EDNRB: variants seen among roughly 807,000 people sequenced by gnomAD.
The protein encoded by EDNRB is Hirschsprung disease 2.
Under a neutral mutation model 46.4 loss-of-function variants are expected in EDNRB, and 18 were observed. The observed-to-expected ratio is 0.39, with a 90% CI of 0.27 to 0.57. The LOEUF is 0.57. Ranked by LOEUF, EDNRB falls within the 20% of genes least tolerant of loss-of-function variation. The pLI is 0.61. For synonymous variants in EDNRB, 213 were observed against 204.9 expected (o/e 1.04, Z -0.34); for missense variants, 434 against 537.5 (o/e 0.81, Z 1.90).
intron 1 of EDNRB, among the ~76,000 whole-genome samples, chr13:77,958,600 T>G (rs1202726435): frequency 6.6e-6 from 1 of 152,118 alleles, no homozygotes; most frequent in Non-Finnish European, 1.5e-5. Context: ...GGTCTCGATC[T>G]CCTGACCTTG....
chr13:77,901,764 A>C (rs1878999817), intron 3 of EDNRB, among the ~76,000 whole-genome samples: 1 of 151,790 alleles, frequency 6.6e-6, no homozygotes, highest in African/African-American at 2.4e-5. Flanking sequence ...ATTGCTTTAG[A>C]TATATCTGTG....
At position 77,959,296 on chromosome 13, in the gene EDNRB, G is replaced by T. The variant is rs560919295; in HGVS notation, c.-52+16051C>A. On this transcript the variant is annotated intron_variant, in intron 1 of 7. Transcript: ENST00000646948. ...CCTAATGGGGAGGCACCCCTCAGTA[G>T]GGGCAGAATGACACCTCACATGGCC... Among the ~76,000 whole-genome samples, 33 of 152,284 alleles carry T rather than the reference G, an allele frequency of 2.2e-4. No individual in the cohort carries two copies. In the East Asian group the frequency reaches 6.4e-3, roughly 29 times the overall value.
upstream of EDNRB, among the ~76,000 whole-genome samples, chr13:77,924,436 G>C (rs1479408975): frequency 1.3e-5 from 2 of 152,154 alleles, no homozygotes; most frequent in Non-Finnish European, 2.9e-5. Context: ...AGGGGGACAT[G>C]GCCAAGGTAA....
chr13:77,952,372 G>C (rs943976583), intron 1 of EDNRB, among the ~76,000 whole-genome samples: 2 of 152,122 alleles, frequency 1.3e-5, no homozygotes, highest in Admixed American at 6.5e-5. Context: ...GAATGCTTCT[G>C]TTCTCCAGAT....
chr13:77,906,783 C>T (rs1397247185), intron 1 of EDNRB, among the ~76,000 whole-genome samples: 1 of 152,004 alleles, frequency 6.6e-6, no homozygotes, highest in Non-Finnish European at 1.5e-5. Context: ...AATTGCCAAA[C>T]CAAAGACACA....
chr13:77,944,848 A>G (rs1439558267), intron 1 of EDNRB: 1 of 152,190 alleles, frequency 6.6e-6, no homozygotes, highest in East Asian at 1.9e-4. Context: ...GTAGGAGCCA[A>G]TCCCAGAAGC....
chr13:77,903,440 A>G, intron 2 of EDNRB, 55 bp downstream of exon 2: 1 of 1,609,370 alleles, frequency 6.2e-7, no homozygotes, highest in Non-Finnish European at 8.5e-7. Flanking sequence ...TCTAAGTAAC[A>G]TGGAAAACAA....
chr13:77,940,532 A>T (rs1237259071), intron 1 of EDNRB, among the ~76,000 whole-genome samples: 1 of 152,210 alleles, frequency 6.6e-6, no homozygotes, highest in Non-Finnish European at 1.5e-5. Context: ...GTTTTAGTGC[A>T]ATAAGTCTGG....
intron 1 of EDNRB, among the ~76,000 whole-genome samples, chr13:77,935,621 T>G (rs77688724): frequency 0.021 from 3,192 of 152,242 alleles, 116 homozygotes; most frequent in African/African-American, 0.07. Context: ...TTTATGAGAA[T>G]TACGCCAAAA....
At chr13:77,918,941 C>T, upstream of EDNRB, 1 of 1,162,356 alleles carries the variant, frequency 8.6e-7, no homozygotes, top group African/African-American at 1.6e-5. The surrounding 1 kb of genome is among the most constrained non-coding windows in gnomAD (Gnocchi z 4.5). Context: ...CGAACTCTTT[C>T]ACGTAACGGG....
At chr13:77,936,973 C>A (rs935134479) in intron 1 of EDNRB, among the ~76,000 whole-genome samples, 1 of 152,126 alleles carries the variant, frequency 6.6e-6, no homozygotes, top group Non-Finnish European at 1.5e-5. Context: ...ACCTTGAAGG[C>A]GAGGTTGATT....
intron 1 of EDNRB, among the ~76,000 whole-genome samples, chr13:77,928,263 A>G (rs1337140705): frequency 1.3e-5 from 2 of 152,172 alleles, no homozygotes; most frequent in Admixed American, 1.3e-4. Context: ...TTCATATTTT[A>G]TTATACTATC....
At chr13:77,917,776 G>A (rs1426493514) in intron 1 of EDNRB, among the ~76,000 whole-genome samples, 5 of 152,116 alleles carry the variant, frequency 3.3e-5, no homozygotes, top group Non-Finnish European at 7.3e-5. Flanking sequence ...GTAGGTCTGG[G>A]GTGAGGCCAG....
chr13:77,969,720 C>T (rs1415501148), intron 1 of EDNRB, among the ~76,000 whole-genome samples: 1 of 152,170 alleles, frequency 6.6e-6, no homozygotes, highest in African/African-American at 2.4e-5. Context: ...GGATAATGTG[C>T]TTATGACTGG....
intron 1 of EDNRB, among the ~76,000 whole-genome samples, chr13:77,968,209 A>G (rs1352154974): frequency 7.1e-6 from 1 of 141,112 alleles, no homozygotes; most frequent in East Asian, 2.6e-4. Flanking sequence ...GTTAGAAACC[A>G]ATGTTTGACA....
intron 1 of EDNRB, among the ~76,000 whole-genome samples, chr13:77,959,232 C>T (rs891663734): frequency 6.6e-6 from 1 of 152,262 alleles, no homozygotes; most frequent in Non-Finnish European, 1.5e-5. Context: ...TGAGAATGGA[C>T]AGACTGCCTC....
At chr13:77,948,606 T>A (rs1880998055) in intron 1 of EDNRB, among the ~76,000 whole-genome samples, 1 of 152,208 alleles carries the variant, frequency 6.6e-6, no homozygotes, top group Admixed American at 6.5e-5. Context: ...CTCAGTGAAA[T>A]GGGAGCTTAT....
In EDNRB at chr13:77,903,047, C is replaced by T. The variant is rs1879078129; in HGVS notation, c.801+109G>A. 7.5e-6 allele frequency: 9 copies of T among 1,196,182 alleles called. No individual in the cohort carries two copies. The South Asian group carries it at 8.9e-5, about 12-fold the overall frequency. The allele number at this position is 1,196,182 out of a possible 1,614,324, so 74.1% of individuals were successfully genotyped here. A position where few individuals can be genotyped will look rare whatever the true frequency, so the allele number is the denominator to read the frequency against. On this transcript the variant is annotated intron_variant, in intron 3 of 6. Transcript: ENST00000646607. Reference sequence around the variant, plus strand: ...TTGGATCTATACTCTTAATTTATGCCAAGGACAGTCATAAATCAACAGTTT... The same window carrying T: ...TTGGATCTATACTCTTAATTTATGCTAAGGACAGTCATAAATCAACAGTTT...
intron 1 of EDNRB, among the ~76,000 whole-genome samples, chr13:77,916,297 T>G (rs1182644149): frequency 6.6e-6 from 1 of 152,230 alleles, no homozygotes; most frequent in African/African-American, 2.4e-5. Flanking sequence ...TCAATTCGGT[T>G]TTGATGAATT....
Sources: gnomAD v4.1 joint callset for allele counts (sites outside exome capture counted in the v4.1 genomes callset) on GRCh38, gnomAD v4.1.1 for gene constraint, Gnocchi (gnomAD v3.1) non-coding constraint, MANE v1.5 for transcripts, NCBI Gene and HGNC (gene_info 2026-07-23, HGNC 2026-07-21) for gene names.